SH3PXD2A: variants seen among roughly 807,000 people sequenced by gnomAD.
The protein encoded by SH3PXD2A is SH3 and PX domain-containing protein 2A.
SH3PXD2A carries 32 observed loss-of-function variants against 115.2 expected under a neutral mutation model. That is an observed-to-expected ratio of 0.28 (90% CI 0.21 to 0.37). SH3PXD2A has a LOEUF of 0.37. Ranked by LOEUF, SH3PXD2A falls within the 10% of genes least tolerant of loss-of-function variation. The probability of loss-of-function intolerance (pLI) is 1.00; values close to 1 mark genes in which losing one functional copy is unlikely to be tolerated. For synonymous variants in SH3PXD2A, 610 were observed against 629.1 expected (o/e 0.97, Z 0.45); for missense variants, 1,328 against 1,498.7 (o/e 0.89, Z 1.88).
In SH3PXD2A at chr10:103,596,726, A is replaced by G. The variant is rs1455354158; in HGVS notation, c.*5090T>C. 6.6e-6 allele frequency: 1 copy of G among 150,726 alleles called. No homozygotes were observed. The highest frequency in any genetic ancestry group is 2.5e-5 in the African/African-American group (1 of 40,724). 9.3% of individuals were successfully genotyped at this position (150,726 alleles called of 1,614,324 possible). On this transcript the variant is annotated 3_prime_UTR_variant, in exon 15 of 15. Coordinates refer to ENST00000369774, the MANE Select transcript of SH3PXD2A (RefSeq NM_001394015.1). ...TCAAAAAAGTGAGGGAATCTTAATT[A>G]TTTAGCAATGTGGACAGTTCTCTTC...
chr10:103,710,708 G>A (rs2038037254), intron 5 of SH3PXD2A, among the ~76,000 whole-genome samples: 2 of 152,134 alleles, frequency 1.3e-5, no homozygotes. Flanking sequence ...CAAGTGAGAC[G>A]TCCCAGTATT....
Position 103,784,182 on chromosome 10 carries a change from T to C in SH3PXD2A, c.154-17013A>G, listed in dbSNP as rs1156576317. ...AGAGAAGATGCTGGCTGCTCGGGGG[T>C]TGCTGGGGCACCTGTGTGCAGGCCT... On this transcript the variant is annotated intron_variant, in intron 2 of 14. Coordinates refer to ENST00000369774, the MANE Select transcript of SH3PXD2A (RefSeq NM_001394015.1). The surrounding 1 kb of genome is among the most constrained non-coding windows in gnomAD (Gnocchi z 4.4). Among the ~76,000 whole-genome samples, 1 of 151,970 alleles carries C rather than the reference T, an allele frequency of 6.6e-6. No individual in the cohort carries two copies. The highest frequency in any genetic ancestry group is 1.5e-5 in the Non-Finnish European group (1 of 67,958).
rs534500047 is a variant in SH3PXD2A, at chr10:103,603,803, G to A, written c.1429-14C>T. On this transcript the variant is annotated splice_polypyrimidine_tract_variant and intron_variant, in intron 14 of 14. Transcript: ENST00000369774. Reference sequence around the variant, plus strand: ...CTTATCAATGACCTGGGGTACGAGTGCAGACAAGCCAGTGAGTTGGGAGGA... The same window carrying A: ...CTTATCAATGACCTGGGGTACGAGTACAGACAAGCCAGTGAGTTGGGAGGA... The A allele has an allele frequency of 3.2e-6, 5 of 1,567,882 alleles. No individual in the cohort carries two copies. The highest frequency in any genetic ancestry group is 1.3e-5 in the African/African-American group (1 of 74,258).
intron 8 of SH3PXD2A, among the ~76,000 whole-genome samples, chr10:103,642,420 C>T (rs2036969341): frequency 6.6e-6 from 1 of 152,178 alleles, no homozygotes; most frequent in African/African-American, 2.4e-5. Flanking sequence ...TGCAATGAGA[C>T]AAACTTTTCC....
intron 1 of SH3PXD2A, among the ~76,000 whole-genome samples, chr10:103,845,013 A>C (rs942047353): frequency 2.6e-5 from 4 of 152,166 alleles, no homozygotes; most frequent in Non-Finnish European, 5.9e-5. Flanking sequence ...CAGGTCATAA[A>C]GACCTTGCTG....
At chr10:103,691,850 G>A (rs532080360) in intron 6 of SH3PXD2A, among the ~76,000 whole-genome samples, 5 of 151,896 alleles carry the variant, frequency 3.3e-5, no homozygotes, top group Admixed American at 2.0e-4. Context: ...AGCCACACAC[G>A]CCCCCAACAC....
At chr10:103,635,435 C>T (rs766304812) in intron 8 of SH3PXD2A, among the ~76,000 whole-genome samples, 9 of 152,346 alleles carry the variant, frequency 5.9e-5, no homozygotes, top group African/African-American at 2.2e-4. Context: ...CCCGCCAGGG[C>T]GTTTGATGCC....
chr10:103,661,174 C>T (rs2037294709), intron 7 of SH3PXD2A, 60 bp from the exon 8 acceptor site: 1 of 1,580,270 alleles, frequency 6.3e-7, no homozygotes, highest in Non-Finnish European at 8.6e-7. Context: ...GCGGCCAGGG[C>T]GCCCCCTGTC....
At chr10:103,827,903 C>T (rs368964938) in intron 1 of SH3PXD2A, among the ~76,000 whole-genome samples, 2 of 152,292 alleles carry the variant, frequency 1.3e-5, no homozygotes, top group South Asian at 4.1e-4. Context: ...AGCTGTAAAA[C>T]GGGGATGACA....
At chr10:103,625,625 G>A (rs1228262597) in intron 9 of SH3PXD2A, among the ~76,000 whole-genome samples, 1 of 152,246 alleles carries the variant, frequency 6.6e-6, no homozygotes, top group Admixed American at 6.5e-5. Context: ...GGGCACTGTG[G>A]CTCATGCCTG....
At chr10:103,835,858 A>G (rs1004909110) in intron 1 of SH3PXD2A, among the ~76,000 whole-genome samples, 2 of 152,312 alleles carry the variant, frequency 1.3e-5, no homozygotes, top group African/African-American at 2.4e-5. Context: ...TGAAGCCAGA[A>G]ATCACGTTTC....
intron 1 of SH3PXD2A, among the ~76,000 whole-genome samples, chr10:103,826,277 T>A (rs539369046): frequency 6.6e-6 from 1 of 152,122 alleles, no homozygotes; most frequent in Non-Finnish European, 1.5e-5. Context: ...GGCACATCCA[T>A]GCTATCATCA....
chr10:103,678,401 G>T (rs916705415), intron 6 of SH3PXD2A, among the ~76,000 whole-genome samples: 13 of 152,266 alleles, frequency 8.5e-5, no homozygotes, highest in African/African-American at 2.9e-4. Context: ...AGCTGAGAGG[G>T]CCTGGAAGAT....
chr10:103,709,858 C>T (rs185679803), intron 5 of SH3PXD2A, among the ~76,000 whole-genome samples: 30 of 152,328 alleles, frequency 2.0e-4, no homozygotes, highest in African/African-American at 6.5e-4. Flanking sequence ...ATAATCCCAG[C>T]ACTTTGGGAA....
At chr10:103,793,728 T>A (rs1304414666) in intron 2 of SH3PXD2A, among the ~76,000 whole-genome samples, 1 of 152,226 alleles carries the variant, frequency 6.6e-6, no homozygotes, top group Non-Finnish European at 1.5e-5. Flanking sequence ...CTTAGCAGGT[T>A]ACCTCCCCAG....
In SH3PXD2A at chr10:103,627,911, C is replaced by T. The variant is rs908999490; in HGVS notation, c.605-709G>A. Among the ~76,000 whole-genome samples, 1 of 152,256 alleles carries T rather than the reference C, an allele frequency of 6.6e-6. No homozygotes were observed. Among genetic ancestry groups the T allele is most frequent in the African/African-American group, 2.4e-5 (1 of 41,470 alleles). ...CCTCTTCACACGGTCCTGTCTTCCT[C>T]CTCATCCCTTCTTCCCTGACACTTC... On this transcript the variant is annotated intron_variant, in intron 8 of 14. Coordinates refer to ENST00000369774, the MANE Select transcript of SH3PXD2A (RefSeq NM_001394015.1). This position sits in a 1 kb window ranked among gnomAD's most constrained non-coding sequence, Gnocchi z 4.4.
intron 3 of SH3PXD2A, among the ~76,000 whole-genome samples, chr10:103,753,315 A>AC (rs2038600345): frequency 1.2e-5 from 1 of 81,254 alleles, no homozygotes; most frequent in African/African-American, 5.0e-5. Context: ...CCCTGCCTCT[A>AC]CCAAAAAAAA....
At chr10:103,827,755 G>C (rs960013674) in intron 1 of SH3PXD2A, among the ~76,000 whole-genome samples, 5 of 152,162 alleles carry the variant, frequency 3.3e-5, no homozygotes, top group African/African-American at 1.2e-4. Context: ...TTTGAAGGAG[G>C]GGCTATGCCA....
At chr10:103,740,416 C>T (rs1346254283) in intron 3 of SH3PXD2A, among the ~76,000 whole-genome samples, 1 of 152,126 alleles carries the variant, frequency 6.6e-6, no homozygotes, top group African/African-American at 2.4e-5. Flanking sequence ...AACAGTTAAA[C>T]CCCCAAACCA....
Sources: gnomAD v4.1 joint callset for allele counts (sites outside exome capture counted in the v4.1 genomes callset) on GRCh38, gnomAD v4.1.1 for gene constraint, Gnocchi (gnomAD v3.1) non-coding constraint, MANE v1.5 for transcripts, NCBI Gene and HGNC (gene_info 2026-07-23, HGNC 2026-07-21) for gene names.